The following ATP2A1 variants were observed in gnomAD, a reference collection of about 807,000 sequenced individuals.
ATP2A1 encodes ATPase sarcoplasmic/endoplasmic reticulum Ca2+ transporting 1.
In ATP2A1, 83 loss-of-function variants were observed where a neutral mutation model predicts 109.5. That is an observed-to-expected ratio of 0.76 (90% confidence interval 0.63 to 0.91). ATP2A1 has a LOEUF of 0.91. Ranked by LOEUF, ATP2A1 falls within the 40% of genes least tolerant of loss-of-function variation. The pLI, the probability that ATP2A1 is intolerant of heterozygous loss-of-function variation, is 0.00. For missense variants in ATP2A1, 1,101 were observed against 1,341.0 expected (o/e 0.82, Z 2.80); for synonymous variants, 505 against 537.6 (o/e 0.94, Z 0.84).
At position 28,903,012 on chromosome 16, in the gene ATP2A1, TC is replaced by T. The variant is rs1426667878; in HGVS notation, c.2745-14del. On this transcript the variant is annotated splice_polypyrimidine_tract_variant and intron_variant, in intron 19 of 22. Transcript: ENST00000395503. This position sits in a 1 kb window ranked among gnomAD's most constrained non-coding sequence, Gnocchi z 5.6. Reference sequence around the variant, plus strand: ...CTTCCTCCTCACTGTGCCTTCTCCCTCCCCTTCCCCTCTGCAGCCTGTCCGA... The same window carrying T: ...CTTCCTCCTCACTGTGCCTTCTCCCTCCCTTCCCCTCTGCAGCCTGTCCGA... 3.7e-6 allele frequency: 6 copies of T among 1,612,682 alleles called. No individual in the cohort carries two copies. Among genetic ancestry groups the T allele is most frequent in the Non-Finnish European group, 5.1e-6 (6 of 1,179,560 alleles).
At chr16:28,895,956 T>G (rs1390878024) in intron 12 of ATP2A1, among the ~76,000 whole-genome samples, 1 of 152,142 alleles carries the variant, frequency 6.6e-6, no homozygotes, top group African/African-American at 2.4e-5. Context: ...AAATTTTTAT[T>G]TATTTATTTT....
Position 28,882,604 on chromosome 16 carries a change from C to T in ATP2A1, c.463+15C>T, listed in dbSNP as rs549044021. ...GGAGGTGGCTGGTGAGTGACAGGGA[C>T]GGCTGGTCCAGGATGGGAGGCCTTG... is the stretch of plus-strand genomic sequence containing the variant. On this transcript the variant is annotated intron_variant, in intron 5 of 22. Coordinates refer to ENST00000395503, the MANE Select transcript of ATP2A1 (RefSeq NM_004320.6). 3.7e-5 allele frequency: 59 copies of T among 1,613,756 alleles called. 1 individual carries two copies. The highest frequency in any genetic ancestry group is 1.2e-4 in the African/African-American group (9 of 75,040).
In ATP2A1 at chr16:28,880,243, T is replaced by A; in HGVS notation, c.219+660T>A. ...GGGCTACTCCCCATCCCGCGGTCCA[T>A]CTGCATGTCGCGGGTTCTTCCGCAG... On this transcript the variant is annotated intron_variant, in intron 3 of 22. Coordinates refer to ENST00000395503, the MANE Select transcript of ATP2A1 (RefSeq NM_004320.6). The surrounding 1 kb of genome is among the most constrained non-coding windows in gnomAD (Gnocchi z 4.2). The A allele has an allele frequency of 1.6e-6, 1 of 639,686 alleles. No homozygotes were observed. The highest frequency in any genetic ancestry group is 2.0e-6 in the Non-Finnish European group (1 of 510,030). 39.6% of individuals were successfully genotyped at this position (639,686 alleles called of 1,614,324 possible).
chr16:28,904,020 G>T (rs1218943596), intron 22 of ATP2A1, among the ~76,000 whole-genome samples, 160 bp from the exon 23 acceptor site: 2 of 137,094 alleles, frequency 1.5e-5, no homozygotes, highest in Non-Finnish European at 3.0e-5. Flanking sequence ...GGCTGCAGTG[G>T]GGGGGGGCGG....
chr16:28,885,871 AC>A (rs1963601220), intron 6 of ATP2A1, among the ~76,000 whole-genome samples: 1 of 151,976 alleles, frequency 6.6e-6, no homozygotes, highest in South Asian at 2.1e-4. Flanking sequence ...TACACTGAAA[AC>A]CATGGCTGCT....
rs781119219 is a variant in ATP2A1, at chr16:28,903,056, G to A, written c.2771G>A (p.Arg924Gln). 2.0e-5 allele frequency: 32 copies of A among 1,613,568 alleles called. No homozygotes were observed. The highest frequency in any genetic ancestry group is 2.5e-5 in the Non-Finnish European group (30 of 1,179,966). The change falls in exon 20 of 23, where the codon CGG (arginine) becomes CAG (glutamine). Residue 924 changes from arginine to glutamine, a missense_variant. Coordinates refer to ENST00000395503, the MANE Select transcript of ATP2A1 (RefSeq NM_004320.6). The surrounding 1 kb of genome is among the most constrained non-coding windows in gnomAD (Gnocchi z 5.6). Reference protein sequence around the residue: ...NSLSENQSLLRMPPWVNIWLL... With the variant: ...NSLSENQSLLQMPPWVNIWLL... ...CTGTCCGAGAACCAGTCCCTGCTGC[G>A]GATGCCACCCTGGGTGAACATCTGG...
Position 28,901,942 on chromosome 16 carries a change from C to T in ATP2A1, c.2180C>T (p.Ala727Val), listed in dbSNP as rs780180010. The change falls in exon 16 of 23, where the codon GCC becomes GTC. Residue 727 changes from alanine to valine, a missense_variant. Transcript: ENST00000395503. ...GCCATGGGATCTGGCACTGCCGTGG[C>T]CAAGACTGCCTCTGAGATGGTGCTG... ...GIAMGSGTAV[A>V]KTASEMVLAD... 6.2e-7 allele frequency: 1 copy of T among 1,614,246 alleles called. No homozygotes were observed. The highest frequency in any genetic ancestry group is 1.1e-5 in the South Asian group (1 of 91,082).
intron 8 of ATP2A1, 110 bp from the exon 9 acceptor site, chr16:28,888,677 T>G: frequency 2.3e-6 from 3 of 1,318,410 alleles, no homozygotes; most frequent in Non-Finnish European, 1.1e-6. Context: ...AGTGCTAGGA[T>G]TATAGGTGTG....
chr16:28,899,718 T>C (rs963735119), intron 14 of ATP2A1, among the ~76,000 whole-genome samples: 2 of 132,624 alleles, frequency 1.5e-5, no homozygotes, highest in Non-Finnish European at 3.1e-5. Flanking sequence ...GCCAGCACTT[T>C]GGGAGGCCAA....
chr16:28,888,048 G>A (rs564207642), intron 8 of ATP2A1, among the ~76,000 whole-genome samples: 33 of 152,150 alleles, frequency 2.2e-4, no homozygotes, highest in South Asian at 8.3e-4. Context: ...TGATCTGCCC[G>A]CCTTGGCCTC....
Position 28,882,553 on chromosome 16 carries a change from C to CGGGACATCGTCCCTG in ATP2A1, c.438_452dup (p.Pro147_Val151dup). 5.0e-6 allele frequency: 8 copies of CGGGACATCGTCCCTG among 1,614,204 alleles called. No individual in the cohort carries two copies. Among genetic ancestry groups the CGGGACATCGTCCCTG allele is most frequent in the Non-Finnish European group, 6.8e-6 (8 of 1,180,012 alleles). On this transcript the variant is annotated inframe_insertion, in exon 5 of 23. Coordinates refer to ENST00000395503, the MANE Select transcript of ATP2A1 (RefSeq NM_004320.6). ...CAAGTCAGTGCAAAGGATCAAGGCTCGGGACATCGTCCCTGGGGACATCGT... is the reference window on the plus strand; with the variant it reads ...CAAGTCAGTGCAAAGGATCAAGGCTCGGGACATCGTCCCTGGGGACATCGTCCCTGGGGACATCGT...
rs141471329 is a variant in ATP2A1, at chr16:28,884,224, C to T, written c.464-351C>T. 4.5e-3 allele frequency among the ~76,000 whole-genome samples: 678 copies of T among 152,252 alleles called. 7 individuals are homozygous for T. The highest frequency in any genetic ancestry group is 0.017 in the South Asian group (83 of 4,820). The stretch of plus-strand genomic sequence containing the variant: ...GCTGGACTGTCCCTAATTTCCCCTC[C>T]AGTCATTCAGTGGGCATTTATTGAG... On this transcript the variant is annotated intron_variant, in intron 5 of 22. Transcript: ENST00000395503.
intron 4 of ATP2A1, 135 bp from the exon 5 acceptor site, chr16:28,882,316 T>C: frequency 3.7e-6 from 5 of 1,343,902 alleles, no homozygotes; most frequent in Non-Finnish European, 5.2e-6. Context: ...TGTTTTCACC[T>C]GTAGGTGACA....
At position 28,904,308 on chromosome 16, in the gene ATP2A1, G is replaced by A; in HGVS notation, c.*166G>A. The A allele has an allele frequency of 1.2e-6, 2 of 1,605,450 alleles. No homozygotes were observed. Among genetic ancestry groups the A allele is most frequent in the East Asian group, 4.5e-5 (2 of 44,486 alleles). ...TCCCCCACACCCGTGTCATGTGTCT[G>A]TTTATAAACATGTCCCCTTCCCTTT... is the stretch of plus-strand genomic sequence containing the variant. On this transcript the variant is annotated 3_prime_UTR_variant, in exon 23 of 23. Coordinates refer to ENST00000395503, the MANE Select transcript of ATP2A1 (RefSeq NM_004320.6).
intron 12 of ATP2A1, among the ~76,000 whole-genome samples, chr16:28,896,204 T>C (rs1048628629): frequency 6.6e-6 from 1 of 152,040 alleles, no homozygotes; most frequent in Non-Finnish European, 1.5e-5. Context: ...AAGGCTTTCA[T>C]TCTTTTTGTT....
chr16:28,878,939 G>T, intron 1 of ATP2A1, 150 bp downstream of exon 1: 1 of 1,341,518 alleles, frequency 7.5e-7, no homozygotes, highest in East Asian at 2.3e-5. Context: ...AAGATACTGA[G>T]AAAACAGAGT....
chr16:28,882,527 G>A lies in ATP2A1; in HGVS notation c.401G>A (p.Arg134His), dbSNP rs1963516429. 8.1e-6 allele frequency: 13 copies of A among 1,614,094 alleles called. No individual in the cohort carries two copies. The highest frequency in any genetic ancestry group is 1.1e-5 in the South Asian group (1 of 91,094). ...ATGGGGAAGGTCTACCGGGCTGACC[G>A]CAAGTCAGTGCAAAGGATCAAGGCT... ...PEMGKVYRAD[R>H]KSVQRIKARD... Residue 134 changes from arginine to histidine, a missense_variant, in exon 5 of 23, where the codon CGC (arginine) becomes CAC (histidine). Transcript: ENST00000395503.
chr16:28,900,121 C>A (rs1356623847), intron 14 of ATP2A1, among the ~76,000 whole-genome samples: 1 of 151,670 alleles, frequency 6.6e-6, no homozygotes, highest in Non-Finnish European at 1.5e-5. Context: ...ATAGCAAGAT[C>A]CTTTCTCTAC....
chr16:28,880,004 C>T lies in ATP2A1; in HGVS notation c.219+421C>T. ...GCGCCCCTGCCCCGCCCTCCCCAGC[C>T]TCCTGACGCTGATTGGTCGAGGGGA... On this transcript the variant is annotated intron_variant, in intron 3 of 22. Transcript: ENST00000395503. This position sits in a 1 kb window ranked among gnomAD's most constrained non-coding sequence, Gnocchi z 4.2. 1 of 1,019,592 alleles carries T rather than the reference C, an allele frequency of 9.8e-7. No homozygotes were observed. Among genetic ancestry groups the T allele is most frequent in the Non-Finnish European group, 1.2e-6 (1 of 855,212 alleles). The allele number at this position is 1,019,592 out of a possible 1,614,324, so 63.2% of individuals were successfully genotyped here.
Sources: allele counts gnomAD v4.1 joint callset (sites outside exome capture counted in the v4.1 genomes callset), GRCh38; gene constraint gnomAD v4.1.1; non-coding constraint Gnocchi (gnomAD v3.1); transcripts MANE v1.5; gene names NCBI Gene and HGNC (gene_info 2026-07-23, HGNC 2026-07-21).